ANGPT1: variants seen among roughly 807,000 people sequenced by gnomAD.
ANGPT1 encodes angiopoietin-1.
In ANGPT1, 17 loss-of-function variants were observed where a neutral mutation model predicts 62.2. The observed-to-expected ratio is 0.27, with a 90% CI of 0.19 to 0.41. The LOEUF (loss-of-function observed/expected upper bound fraction) is 0.41. Ranked by LOEUF, ANGPT1 falls within the 10% of genes least tolerant of loss-of-function variation. The probability of loss-of-function intolerance (pLI) is 1.00; values close to 1 mark genes in which losing one functional copy is unlikely to be tolerated. For missense variants in ANGPT1, 478 were observed against 594.9 expected (o/e 0.80, Z 2.04); for synonymous variants, 199 against 198.9 (o/e 1.00, Z 0.00).
chr8:107,314,338 C>T (rs1477958155), intron 4 of ANGPT1, among the ~76,000 whole-genome samples: 4 of 152,164 alleles, frequency 2.6e-5, no homozygotes. Flanking sequence ...TTAAAAACTC[C>T]AATTCCAAAA....
At chr8:107,403,731 G>A (rs1301293330) in intron 1 of ANGPT1, among the ~76,000 whole-genome samples, 14 of 151,936 alleles carry the variant, frequency 9.2e-5, no homozygotes, top group Admixed American at 8.5e-4. Flanking sequence ...TTTAAAAATA[G>A]GGATCCTTTC....
intron 1 of ANGPT1, among the ~76,000 whole-genome samples, chr8:107,460,286 G>T (rs1356016661): frequency 2.0e-5 from 3 of 152,160 alleles, no homozygotes; most frequent in African/African-American, 7.2e-5. Flanking sequence ...CTGTTAAGGA[G>T]TAGGGATCAG....
rs7821331 is a variant in ANGPT1 at position 107,487,938 on chromosome 8, T to C, written c.297+9324A>G. 5.5e-3 allele frequency among the ~76,000 whole-genome samples: 831 copies of C among 152,282 alleles called. 7 individuals are homozygous for C. The highest frequency in any genetic ancestry group is 0.019 in the African/African-American group (787 of 41,574). ...ACTATTCTTGACAATGAATTCTGCT[T>C]GAAGTGAATAGTATCCTTTACAATA... is the stretch of plus-strand genomic sequence containing the variant. On this transcript the variant is annotated intron_variant, in intron 1 of 8. Coordinates refer to ENST00000517746, the MANE Select transcript of ANGPT1 (RefSeq NM_001146.5).
At chr8:107,370,950 G>A (rs1816397044) in intron 1 of ANGPT1, among the ~76,000 whole-genome samples, 1 of 135,696 alleles carries the variant, frequency 7.4e-6, no homozygotes, top group Non-Finnish European at 1.6e-5. Context: ...ACACAGGGTT[G>A]CCACAAACCT....
intron 1 of ANGPT1, among the ~76,000 whole-genome samples, chr8:107,452,660 T>C (rs1455073832): frequency 6.6e-6 from 1 of 151,946 alleles, no homozygotes; most frequent in African/African-American, 2.4e-5. Context: ...CATATACATA[T>C]TTCTTAAATT....
At chr8:107,358,051 T>A (rs1042020515) in intron 1 of ANGPT1, among the ~76,000 whole-genome samples, 2 of 152,178 alleles carry the variant, frequency 1.3e-5, no homozygotes, top group Non-Finnish European at 2.9e-5. Flanking sequence ...TTCTTTCATC[T>A]GCTTAAATAA....
chr8:107,347,845 T>G (rs1013516370), intron 1 of ANGPT1, among the ~76,000 whole-genome samples: 2 of 152,148 alleles, frequency 1.3e-5, no homozygotes, highest in Non-Finnish European at 2.9e-5. Flanking sequence ...ATTTAGTCCT[T>G]TATGGTGCCA....
intron 6 of ANGPT1, among the ~76,000 whole-genome samples, chr8:107,293,633 T>A (rs1214087147): frequency 3.3e-5 from 5 of 152,132 alleles, no homozygotes; most frequent in African/African-American, 1.2e-4. Context: ...CAGGCTCACG[T>A]ATCCAACGAA....
chr8:107,481,532 C>CAA (rs71562147), intron 1 of ANGPT1, among the ~76,000 whole-genome samples: 4,541 of 63,212 alleles, frequency 0.072, 324 homozygotes, highest in African/African-American at 0.13. Context: ...GACTCTGTCT[C>CAA]AAAAAAAAAA....
At chr8:107,274,467 AT>A (rs924619706) in intron 7 of ANGPT1, among the ~76,000 whole-genome samples, 1 of 152,132 alleles carries the variant, frequency 6.6e-6, no homozygotes, top group Non-Finnish European at 1.5e-5. Context: ...AATTTTATTA[AT>A]TTTTTTATTT....
chr8:107,390,125 T>C (rs1012870957), intron 1 of ANGPT1, among the ~76,000 whole-genome samples: 1 of 152,196 alleles, frequency 6.6e-6, no homozygotes, highest in African/African-American at 2.4e-5. Context: ...CCCATAATAA[T>C]TTTTAACACA....
chr8:107,422,329 A>G (rs1054030648), intron 1 of ANGPT1, among the ~76,000 whole-genome samples: 8 of 152,312 alleles, frequency 5.3e-5, no homozygotes, highest in African/African-American at 1.9e-4. Flanking sequence ...GAGTCTGAGC[A>G]TGTGCCCAGT....
intron 1 of ANGPT1, among the ~76,000 whole-genome samples, chr8:107,460,451 T>C (rs1384905493): frequency 2.0e-5 from 3 of 152,152 alleles, no homozygotes; most frequent in Non-Finnish European, 4.4e-5. Flanking sequence ...ATAAAATAGA[T>C]TGAACCTGTG....
Position 107,497,519 on chromosome 8 carries a change from G to A in ANGPT1, c.40C>T (p.Leu14=). The change falls in exon 1 of 9, where the codon CTG becomes TTG. Residue 14 remains leucine, a synonymous_variant. Transcript: ENST00000517746. ...TGATTGCTGCACCCTATGTGAGTCA[G>A]AATGGCAGCGAGGAAAGCAAAGGAA... ...FLSFAFLAAI[L]THIGCSNQRR... 1 of 1,614,110 alleles carries A rather than the reference G, an allele frequency of 6.2e-7. No individual in the cohort carries two copies. Among genetic ancestry groups the A allele is most frequent in the Non-Finnish European group, 8.5e-7 (1 of 1,180,004 alleles).
intron 1 of ANGPT1, among the ~76,000 whole-genome samples, chr8:107,410,581 CT>C (rs1297901588): frequency 2.1e-4 from 32 of 152,192 alleles, no homozygotes; most frequent in African/African-American, 7.5e-4. Flanking sequence ...TATTTCTGAC[CT>C]CTGAAATCAC....
At chr8:107,277,947 G>C (rs1813903907) in intron 7 of ANGPT1, among the ~76,000 whole-genome samples, 1 of 152,000 alleles carries the variant, frequency 6.6e-6, no homozygotes, top group African/African-American at 2.4e-5. Context: ...AACCAGCCAA[G>C]GACATTGTTG....
intron 5 of ANGPT1, among the ~76,000 whole-genome samples, chr8:107,301,877 A>T (rs1035979711): frequency 6.6e-6 from 1 of 151,968 alleles, no homozygotes; most frequent in African/African-American, 2.4e-5. Flanking sequence ...AAAAGGGAAA[A>T]TAGAATTGTA....
intron 3 of ANGPT1, among the ~76,000 whole-genome samples, chr8:107,324,275 T>C (rs529091695): frequency 6.6e-6 from 1 of 151,842 alleles, no homozygotes; most frequent in Non-Finnish European, 1.5e-5. Context: ...TGTGGCCTTA[T>C]TTAGAAACAG....
chr8:107,425,118 C>T (rs1206497497), intron 1 of ANGPT1, among the ~76,000 whole-genome samples: 1 of 152,206 alleles, frequency 6.6e-6, no homozygotes, highest in Admixed American at 6.5e-5. Flanking sequence ...TGTGATCCAC[C>T]CACCTCAGCC....
Sources: allele counts gnomAD v4.1 joint callset (sites outside exome capture counted in the v4.1 genomes callset), GRCh38; gene constraint gnomAD v4.1.1; transcripts MANE v1.5; gene names NCBI Gene and HGNC (gene_info 2026-07-23, HGNC 2026-07-21).